The following GPATCH1 variants were observed in gnomAD, a reference collection of about 807,000 sequenced individuals.
GPATCH1 encodes G patch domain-containing protein 1.
In GPATCH1, 73 loss-of-function variants were observed where a neutral mutation model predicts 114.9. The observed-to-expected ratio is 0.64, with a 90% CI of 0.53 to 0.77. The LOEUF is 0.77. Among genes scored for constraint, GPATCH1 ranks in the 30% least tolerant of loss-of-function variants. The pLI, the probability that GPATCH1 is intolerant of heterozygous loss-of-function variation, is 0.00. For synonymous variants in GPATCH1, 391 were observed against 428.4 expected (o/e 0.91, Z 1.08); for missense variants, 1,058 against 1,144.3 (o/e 0.92, Z 1.09).
At position 33,109,815 on chromosome 19, in the gene GPATCH1, G is replaced by T. The variant is rs761539121; in HGVS notation, c.1384G>T (p.Ala462Ser). Residue 462 changes from alanine to serine, a missense_variant, in exon 11 of 20, where the codon GCC becomes TCC. Around this residue, in one of 3 missense-constraint regions of GPATCH1, gnomAD observed 893 missense variants for 977.4 expected, o/e 0.91. Coordinates refer to ENST00000170564, the MANE Select transcript of GPATCH1 (RefSeq NM_018025.3). ...ATDLKAAQLK[A>S]RSLAQNAQSS... Reference sequence around the variant, plus strand: ...TGACCTGAAAGCAGCTCAGCTCAAGGCCAGGAGTCTGGCCCAGAACGCTCA... The same window carrying T: ...TGACCTGAAAGCAGCTCAGCTCAAGTCCAGGAGTCTGGCCCAGAACGCTCA... The T allele has an allele frequency of 2.4e-5, 39 of 1,613,624 alleles. No homozygotes were observed. Among genetic ancestry groups the T allele is most frequent in the Non-Finnish European group, 3.0e-5 (35 of 1,179,776 alleles).
intron 10 of GPATCH1, among the ~76,000 whole-genome samples, chr19:33,107,303 A>G (rs1400842612): frequency 6.6e-6 from 1 of 152,020 alleles, no homozygotes; most frequent in African/African-American, 2.4e-5. Flanking sequence ...CTGGTCTGGA[A>G]CTTCTGGCTT....
intron 15 of GPATCH1, among the ~76,000 whole-genome samples, chr19:33,114,797 C>CTTTTTTTTTTTTTTTTTTT (rs546074419): frequency 1.1e-5 from 1 of 87,168 alleles, no homozygotes; most frequent in African/African-American, 4.6e-5. Flanking sequence ...CTATTTCTCT[C>CTTTTTTTTTTTTTTTTTTT]TTTTTTTTTT....
intron 10 of GPATCH1, 71 bp downstream of exon 10, chr19:33,106,970 T>G (rs908341757): frequency 2.9e-5 from 37 of 1,295,062 alleles, no homozygotes; most frequent in Non-Finnish European, 3.8e-5. Flanking sequence ...GGAAAGTTGT[T>G]GTTTTCCCAC....
chr19:33,119,174 T>G, intron 17 of GPATCH1, 57 bp downstream of exon 17: 1 of 910,978 alleles, frequency 1.1e-6, no homozygotes, highest in Non-Finnish European at 1.7e-6. Context: ...TGCCCTGAGA[T>G]GGGGACAGTG....
intron 10 of GPATCH1, among the ~76,000 whole-genome samples, chr19:33,108,399 C>T (rs1437227241): frequency 6.6e-6 from 1 of 152,176 alleles, no homozygotes; most frequent in Non-Finnish European, 1.5e-5. Flanking sequence ...TAGCGTCTTC[C>T]TCCTCCTTTC....
intron 17 of GPATCH1, among the ~76,000 whole-genome samples, chr19:33,120,231 T>C (rs1450500087): frequency 1.4e-5 from 2 of 142,544 alleles, no homozygotes; most frequent in Non-Finnish European, 3.0e-5. Flanking sequence ...TTTAGATATT[T>C]TATAAATTTT....
chr19:33,129,991 G>T (rs3826906), intron 19 of GPATCH1, 139 bp from the exon 20 acceptor site: 1 of 635,644 alleles, frequency 1.6e-6, no homozygotes, highest in South Asian at 1.9e-5. Flanking sequence ...CTTCATTGTG[G>T]GTTATTGTGA....
chr19:33,089,333 G>A (rs972218662), intron 2 of GPATCH1, among the ~76,000 whole-genome samples: 1 of 152,118 alleles, frequency 6.6e-6, no homozygotes, highest in South Asian at 2.1e-4. Context: ...CAGACACTGG[G>A]GACCACAGCA....
intron 17 of GPATCH1, 133 bp downstream of exon 17, chr19:33,119,250 C>T (rs888492320): frequency 1.9e-6 from 1 of 517,164 alleles, no homozygotes; most frequent in Non-Finnish European, 3.4e-6. Flanking sequence ...ATATTTTAAA[C>T]CCGTTGTCTC....
rs370957261 is a variant in GPATCH1 at position 33,114,446 on chromosome 19, G to A, written c.2196+27G>A. On this transcript the variant is annotated intron_variant, in intron 15 of 19. Transcript: ENST00000170564. ...TATTTGGGGCTTCCAGATTCTCTTT[G>A]CCACGCTGAGTGTGGCCCTTGCTTT... 8 of 1,551,760 alleles carry A rather than the reference G, an allele frequency of 5.2e-6. No homozygotes were observed. In the African/African-American group the frequency reaches 7.0e-5, roughly 14 times the overall value.
intron 14 of GPATCH1, 108 bp from the exon 15 acceptor site, chr19:33,114,145 A>G (rs974335433): frequency 1.8e-6 from 2 of 1,105,600 alleles, no homozygotes; most frequent in Non-Finnish European, 2.7e-6. Flanking sequence ...ACACAGTGCC[A>G]GGCCCCTAGT....
rs759454878 is a variant in GPATCH1 at position 33,114,339 on chromosome 19, A to G, written c.2116A>G (p.Lys706Glu). 6.2e-7 allele frequency: 1 copy of G among 1,613,434 alleles called. No homozygotes were observed. The highest frequency in any genetic ancestry group is 1.3e-5 in the African/African-American group (1 of 74,900). Residue 706 changes from lysine to glutamate, a missense_variant, in exon 15 of 20, where the codon AAA becomes GAA. Physicochemically the swap from Lys to Glu is moderately conservative, Grantham distance 56. This residue lies in a region of GPATCH1 where 893 missense variants were observed against 977.4 expected (regional missense o/e 0.91). Transcript: ENST00000170564. ...ISEFLSLARSKAEPPKQQSSP... is the reference protein window; with the variant it reads ...ISEFLSLARSEAEPPKQQSSP... ...TGAATTTTTAAGTTTGGCTAGATCAAAAGCCGAGCCACCTAAACAACAGTC... is the reference window on the plus strand; with the variant it reads ...TGAATTTTTAAGTTTGGCTAGATCAGAAGCCGAGCCACCTAAACAACAGTC...
At chr19:33,104,955 C>T (rs1972766719) in intron 9 of GPATCH1, among the ~76,000 whole-genome samples, 1 of 152,112 alleles carries the variant, frequency 6.6e-6, no homozygotes, top group Non-Finnish European at 1.5e-5. Flanking sequence ...TTTCCTTTAC[C>T]TTGTCTGCTG....
intron 1 of GPATCH1, 32 bp downstream of exon 1, chr19:33,081,298 G>C: frequency 6.6e-7 from 1 of 1,519,508 alleles, no homozygotes. Context: ...GGAGCCTGTG[G>C]AAAACAGGCC....
At chr19:33,119,571 G>A (rs967225273) in intron 17 of GPATCH1, among the ~76,000 whole-genome samples, 3 of 151,980 alleles carry the variant, frequency 2.0e-5, no homozygotes, top group East Asian at 1.9e-4. Context: ...AGTGACGCAC[G>A]CCTGTAGTCC....
At chr19:33,110,103 G>T in intron 11 of GPATCH1, 87 bp downstream of exon 11, 1 of 1,147,430 alleles carries the variant, frequency 8.7e-7, no homozygotes, top group Non-Finnish European at 1.2e-6. Context: ...ATTTACAGTT[G>T]AGGTATCCTG....
intron 15 of GPATCH1, among the ~76,000 whole-genome samples, chr19:33,116,830 AT>A (rs1049664597): frequency 4.0e-5 from 6 of 151,180 alleles, no homozygotes; most frequent in South Asian, 2.1e-4. Flanking sequence ...CGCATGGCCA[AT>A]TTTTTTTTAA....
chr19:33,114,191 T>C (rs1972890457), intron 14 of GPATCH1, 62 bp from the exon 15 acceptor site: 1 of 1,374,558 alleles, frequency 7.3e-7, no homozygotes, highest in South Asian at 1.2e-5. Flanking sequence ...GAAAGAGCAG[T>C]GGTGAAGAAC....
At chr19:33,123,587 C>G (rs909400916) in intron 17 of GPATCH1, among the ~76,000 whole-genome samples, 2 of 151,270 alleles carry the variant, frequency 1.3e-5, no homozygotes, top group African/African-American at 4.9e-5. Context: ...CTCACTTCCA[C>G]AAAAAAATTA....
Sources: gnomAD v4.1 joint callset for allele counts (sites outside exome capture counted in the v4.1 genomes callset) on GRCh38, gnomAD v4.1.1 for gene constraint, gnomAD v4.1.1 regional missense constraint, MANE v1.5 for transcripts, NCBI Gene and HGNC (gene_info 2026-07-23, HGNC 2026-07-21) for gene names.